Variants in DOCK10 observed in about 807,000 individuals in gnomAD.
DOCK10 encodes the protein dedicator of cytokinesis protein 10.
DOCK10 carries 145 observed loss-of-function variants against 280.1 expected under a neutral mutation model. That is an observed-to-expected ratio of 0.52 (90% CI 0.45 to 0.59). The LOEUF (loss-of-function observed/expected upper bound fraction) is 0.59, where lower values mean the gene tolerates loss of function less well. Among genes scored for constraint, DOCK10 ranks in the 20% least tolerant of loss-of-function variants. The pLI is 0.00. For missense variants in DOCK10, 2,368 were observed against 2,651.7 expected (o/e 0.89, Z 2.35); for synonymous variants, 915 against 942.2 (o/e 0.97, Z 0.53).
intron 1 of DOCK10, among the ~76,000 whole-genome samples, chr2:224,988,391 A>G (rs1373152691): frequency 6.6e-6 from 1 of 152,216 alleles, no homozygotes; most frequent in Admixed American, 6.5e-5. Context: ...TGATGATGAT[A>G]CCCCTAAGAA....
intron 3 of DOCK10, among the ~76,000 whole-genome samples, chr2:224,902,260 T>C (rs1700342886): frequency 1.3e-5 from 2 of 152,208 alleles, no homozygotes; most frequent in South Asian, 4.1e-4. Context: ...AATAAGCAAG[T>C]AACATTTTTT....
chr2:224,887,045 G>A (rs562037599), intron 4 of DOCK10, among the ~76,000 whole-genome samples: 2 of 152,312 alleles, frequency 1.3e-5, no homozygotes, highest in African/African-American at 4.8e-5. Context: ...TTATAGGCAT[G>A]AGCCACTGGC....
At chr2:224,943,489 G>A (rs537598879) in intron 1 of DOCK10, among the ~76,000 whole-genome samples, 2 of 151,988 alleles carry the variant, frequency 1.3e-5, no homozygotes, top group East Asian at 1.9e-4. Context: ...ATTTTCTTTC[G>A]ATTCAGAAAT....
At chr2:224,933,165 T>C (rs775091059) in intron 1 of DOCK10, among the ~76,000 whole-genome samples, 12 of 152,328 alleles carry the variant, frequency 7.9e-5, no homozygotes, top group Admixed American at 2.0e-4. Context: ...ATTGAGTATT[T>C]TGAGGAAGAA....
chr2:224,855,773 G>A (rs1697087890), intron 15 of DOCK10, among the ~76,000 whole-genome samples: 1 of 152,198 alleles, frequency 6.6e-6, no homozygotes. Context: ...TGATGGGTCA[G>A]AGTCAGCTCT....
At chr2:224,991,343 T>C (rs565429145) in intron 1 of DOCK10, among the ~76,000 whole-genome samples, 1 of 152,350 alleles carries the variant, frequency 6.6e-6, no homozygotes, top group South Asian at 2.1e-4. Context: ...CTGAGACTTA[T>C]TTTCTCCATT....
At chr2:224,797,243 CTTTT>C in intron 42 of DOCK10, 97 bp from the exon 43 acceptor site, 1 of 725,606 alleles carries the variant, frequency 1.4e-6, no homozygotes, top group Non-Finnish European at 1.9e-6. Context: ...AATCCCTCTC[CTTTT>C]TTTTTTTAAC....
intron 1 of DOCK10, among the ~76,000 whole-genome samples, chr2:225,006,647 G>A (rs1393402022): frequency 6.6e-6 from 1 of 152,166 alleles, no homozygotes; most frequent in Non-Finnish European, 1.5e-5. Flanking sequence ...TCTAACATGA[G>A]TTATTTGAGT....
intron 1 of DOCK10, among the ~76,000 whole-genome samples, chr2:225,025,681 C>T (rs1689901135): frequency 6.6e-6 from 1 of 152,062 alleles, no homozygotes; most frequent in African/African-American, 2.4e-5. Flanking sequence ...GACCGAAATG[C>T]CTGGGCTCTT....
At chr2:224,812,751 G>A (rs1032135302) in intron 31 of DOCK10, among the ~76,000 whole-genome samples, 1 of 152,118 alleles carries the variant, frequency 6.6e-6, no homozygotes, top group African/African-American at 2.4e-5. Context: ...TAATCATGTG[G>A]TTTTTGTCTT....
rs372546964 is a variant in DOCK10, at chr2:224,853,983, G to A, written c.1889-861C>T. On this transcript the variant is annotated intron_variant, in intron 16 of 55. Coordinates refer to ENST00000258390, the MANE Select transcript of DOCK10 (RefSeq NM_014689.3). ...GAGAATATTGAGTGCCTCATTTGTC[G>A]TGTTTCATTTCCATATCAGGTAGAG... Among the ~76,000 whole-genome samples the A allele has an allele frequency of 6.6e-5, 10 of 152,144 alleles. No individual in the cohort carries two copies. In the East Asian group the frequency reaches 9.6e-4, roughly 15 times the overall value.
chr2:224,949,175 TCTC>T (rs1703593713), intron 1 of DOCK10, among the ~76,000 whole-genome samples: 1 of 152,176 alleles, frequency 6.6e-6, no homozygotes, highest in Admixed American at 6.5e-5. Flanking sequence ...CAGGCTTTCT[TCTC>T]CTCGTTTCTA....
chr2:224,996,582 A>C (rs1489483028), intron 1 of DOCK10, among the ~76,000 whole-genome samples: 2 of 152,244 alleles, frequency 1.3e-5, no homozygotes, highest in Non-Finnish European at 2.9e-5. Flanking sequence ...GACAGAATGG[A>C]ATGCACGGCT....
At chr2:224,799,136 T>C (rs983105707) in intron 41 of DOCK10, among the ~76,000 whole-genome samples, 1 of 152,178 alleles carries the variant, frequency 6.6e-6, no homozygotes. Flanking sequence ...CTCTCAAAAG[T>C]TTTTAAATAC....
chr2:224,987,966 T>C (rs2126265632), intron 1 of DOCK10, among the ~76,000 whole-genome samples: 1 of 152,282 alleles, frequency 6.6e-6, no homozygotes, highest in African/African-American at 2.4e-5. Flanking sequence ...GCCTCAATAG[T>C]ATCTGCGGTA....
intron 1 of DOCK10, among the ~76,000 whole-genome samples, chr2:224,973,472 C>T (rs1473632864): frequency 6.6e-6 from 1 of 152,064 alleles, no homozygotes; most frequent in African/African-American, 2.4e-5. Context: ...CACTATGCTT[C>T]TGGCTTTGAA....
At chr2:224,801,230 T>A (rs1013409787) in intron 40 of DOCK10, among the ~76,000 whole-genome samples, 1 of 128,000 alleles carries the variant, frequency 7.8e-6, no homozygotes, top group African/African-American at 3.2e-5. Flanking sequence ...CTTTACAGAA[T>A]GCAAAATTTT....
intron 2 of DOCK10, among the ~76,000 whole-genome samples, chr2:224,922,508 T>A (rs1447313349): frequency 6.6e-6 from 1 of 152,194 alleles, no homozygotes; most frequent in African/African-American, 2.4e-5. Flanking sequence ...TGTCCAGAGA[T>A]CAGGCATTTG....
chr2:225,040,975 C>T (rs1033288141), intron 1 of DOCK10, among the ~76,000 whole-genome samples: 2 of 152,124 alleles, frequency 1.3e-5, no homozygotes, highest in Non-Finnish European at 2.9e-5. Flanking sequence ...TGGGTAACTG[C>T]GGACTGCAGC....
Sources: allele counts gnomAD v4.1 joint callset (sites outside exome capture counted in the v4.1 genomes callset), GRCh38; gene constraint gnomAD v4.1.1; transcripts MANE v1.5; gene names NCBI Gene and HGNC (gene_info 2026-07-23, HGNC 2026-07-21).